Variants in FBXW11 observed in about 807,000 individuals in gnomAD.
FBXW11 encodes F-box/WD repeat-containing protein 11.
FBXW11 carries 19 observed loss-of-function variants against 77.6 expected under a neutral mutation model. That is an observed-to-expected ratio of 0.24 (90% CI 0.17 to 0.36). FBXW11 has a LOEUF of 0.36. Ranked by LOEUF, FBXW11 falls within the 10% of genes least tolerant of loss-of-function variation. FBXW11 has a pLI of 1.00. For missense variants in FBXW11, 334 were observed against 704.2 expected (o/e 0.47, Z 5.95); for synonymous variants, 235 against 249.4 (o/e 0.94, Z 0.54).
intron 1 of FBXW11, among the ~76,000 whole-genome samples, chr5:171,964,914 C>T (rs1053127207): frequency 1.3e-5 from 2 of 152,162 alleles, no homozygotes; most frequent in Non-Finnish European, 2.9e-5. Flanking sequence ...AAAAAGTTTA[C>T]ATTTTAATTC....
chr5:171,891,375 C>G, intron 7 of FBXW11, 92 bp downstream of exon 7: 1 of 1,261,364 alleles, frequency 7.9e-7, no homozygotes, highest in Non-Finnish European at 1.1e-6. Flanking sequence ...GAGATAAAAA[C>G]CAATCTAGAG....
At chr5:171,916,292 AT>A (rs1761252310) in intron 2 of FBXW11, among the ~76,000 whole-genome samples, 1 of 150,562 alleles carries the variant, frequency 6.6e-6, no homozygotes, top group African/African-American at 2.4e-5. Context: ...CCCCTGTGTT[AT>A]CTTCTTATGC....
chr5:171,925,761 A>T (rs998170528), intron 2 of FBXW11, among the ~76,000 whole-genome samples: 1 of 152,182 alleles, frequency 6.6e-6, no homozygotes, highest in African/African-American at 2.4e-5. Context: ...CTGATTTTCC[A>T]GTCATGTAGT....
chr5:171,979,071 C>G (rs1765004352), intron 1 of FBXW11, among the ~76,000 whole-genome samples: 1 of 152,122 alleles, frequency 6.6e-6, no homozygotes, highest in Non-Finnish European at 1.5e-5. Context: ...ATGAAATACT[C>G]ATGCTCTTAA....
intron 5 of FBXW11, 45 bp from the exon 6 acceptor site, chr5:171,899,139 G>A (rs745925723): frequency 5.9e-5 from 78 of 1,320,342 alleles, no homozygotes; most frequent in Non-Finnish European, 8.0e-5. Context: ...GCACATAAAA[G>A]GGTGAATTTT....
chr5:171,921,701 A>G (rs1290813917), intron 2 of FBXW11, among the ~76,000 whole-genome samples: 1 of 152,208 alleles, frequency 6.6e-6, no homozygotes, highest in Non-Finnish European at 1.5e-5. Context: ...AAGGAGAGCA[A>G]TATTTACATT....
intron 2 of FBXW11, among the ~76,000 whole-genome samples, chr5:171,917,667 G>T (rs1761338361): frequency 6.6e-6 from 1 of 152,008 alleles, no homozygotes; most frequent in South Asian, 2.1e-4. Flanking sequence ...GAGGATTCCA[G>T]GCAATGCAAA....
chr5:171,875,265 A>G (rs1316787838), intron 9 of FBXW11, among the ~76,000 whole-genome samples: 1 of 151,950 alleles, frequency 6.6e-6, no homozygotes, highest in Non-Finnish European at 1.5e-5. Flanking sequence ...AAAAAAAAAA[A>G]AAAAAGAAGG....
chr5:171,981,022 C>T (rs1316759444), intron 1 of FBXW11, among the ~76,000 whole-genome samples: 2 of 152,088 alleles, frequency 1.3e-5, no homozygotes, highest in Non-Finnish European at 2.9e-5. Context: ...CTGCCCCCAC[C>T]ACCATCTCCG....
At chr5:171,929,077 A>C (rs1392655808) in intron 2 of FBXW11, among the ~76,000 whole-genome samples, 1 of 151,456 alleles carries the variant, frequency 6.6e-6, no homozygotes, top group African/African-American at 2.4e-5. Flanking sequence ...ATCTAAAAAA[A>C]AAATAAAAAA....
At chr5:171,910,035 G>A (rs1760781148) in intron 4 of FBXW11, among the ~76,000 whole-genome samples, 1 of 148,918 alleles carries the variant, frequency 6.7e-6, no homozygotes, top group Non-Finnish European at 1.5e-5. Flanking sequence ...ACCAAATGAA[G>A]CAACAGTTAT....
chr5:171,943,690 C>T (rs1027198191), intron 2 of FBXW11, among the ~76,000 whole-genome samples: 3 of 152,196 alleles, frequency 2.0e-5, no homozygotes, highest in African/African-American at 7.2e-5. Context: ...ACCTCATGAT[C>T]CGCCCGCCTC....
chr5:171,982,283 T>A (rs890496401), intron 1 of FBXW11, among the ~76,000 whole-genome samples: 11 of 152,170 alleles, frequency 7.2e-5, no homozygotes, highest in African/African-American at 1.7e-4. Context: ...TTATTTATTT[T>A]TTTGAGACAG....
intron 7 of FBXW11, among the ~76,000 whole-genome samples, chr5:171,890,216 G>T (rs957887062): frequency 6.6e-6 from 1 of 151,988 alleles, no homozygotes; most frequent in Admixed American, 6.6e-5. Flanking sequence ...ATCAAGGGCT[G>T]ACAAGGATAC....
chr5:171,876,611 G>T lies in FBXW11; in HGVS notation c.972-77C>A. ...TGATTCTGGTATCTGAGCTCTGTCT[G>T]GGTCTGCAATGGTTTGGATATAGTT... On this transcript the variant is annotated intron_variant, in intron 8 of 13. Transcript: ENST00000517395. The surrounding 1 kb of genome is among the most constrained non-coding windows in gnomAD (Gnocchi z 4.2). 1.3e-6 allele frequency: 2 copies of T among 1,549,760 alleles called. No individual in the cohort carries two copies. The highest frequency in any genetic ancestry group is 1.2e-5 in the South Asian group (1 of 84,088).
chr5:171,896,760 A>G (rs183458226), intron 6 of FBXW11, among the ~76,000 whole-genome samples: 4 of 152,210 alleles, frequency 2.6e-5, no homozygotes, highest in African/African-American at 4.8e-5. Flanking sequence ...ACAATCATCT[A>G]TGTAAATCAC....
intron 4 of FBXW11, among the ~76,000 whole-genome samples, chr5:171,910,107 C>A (rs1314235359): frequency 1.4e-5 from 2 of 145,174 alleles, no homozygotes; most frequent in African/African-American, 5.1e-5. Context: ...CTCTTGTTAC[C>A]CAGGCTGGAG....
At chr5:171,930,426 T>C (rs1762108834) in intron 2 of FBXW11, among the ~76,000 whole-genome samples, 1 of 152,178 alleles carries the variant, frequency 6.6e-6, no homozygotes, top group East Asian at 1.9e-4. Context: ...TTCTAGCTAA[T>C]GCAATAAGAC....
At chr5:171,992,069 C>T (rs1561756261) in intron 1 of FBXW11, among the ~76,000 whole-genome samples, 1 of 148,686 alleles carries the variant, frequency 6.7e-6, no homozygotes, top group Non-Finnish European at 1.5e-5. Context: ...GAGCTGAGAT[C>T]GCACCACTGC....
Sources: gnomAD v4.1 joint callset for allele counts (sites outside exome capture counted in the v4.1 genomes callset) on GRCh38, gnomAD v4.1.1 for gene constraint, Gnocchi (gnomAD v3.1) non-coding constraint, MANE v1.5 for transcripts, NCBI Gene and HGNC (gene_info 2026-07-23, HGNC 2026-07-21) for gene names.